LRRC51: variants seen among roughly 807,000 people sequenced by gnomAD.
LRRC51 encodes the protein leucine-rich repeat-containing protein 51.
A neutral mutation model predicts 17.8 loss-of-function variants in LRRC51; 8 were observed. The ratio of observed to expected loss-of-function variants is 0.45; its 90% CI spans 0.26 to 0.81. The LOEUF (loss-of-function observed/expected upper bound fraction) is 0.81, where lower values mean the gene tolerates loss of function less well. LRRC51 is among the 30% of genes least tolerant of loss of function. The probability of loss-of-function intolerance (pLI) is 0.17; values close to 1 mark genes in which losing one functional copy is unlikely to be tolerated. For missense variants in LRRC51, 233 were observed against 239.3 expected (o/e 0.97, Z 0.17); for synonymous variants, 92 against 96.0 (o/e 0.96, Z 0.24).
At chr11:72,088,065 C>A (rs564933164) in intron 1 of LRRC51, among the ~76,000 whole-genome samples, 21 of 152,180 alleles carry the variant, frequency 1.4e-4, no homozygotes, top group Non-Finnish European at 2.6e-4. Context: ...GGGGCAAGTT[C>A]TTGTCCTTAT....
intron 2 of LRRC51, 47 bp downstream of exon 2, chr11:72,088,427 G>A (rs1944666105): frequency 4.3e-6 from 3 of 702,008 alleles, no homozygotes; most frequent in Non-Finnish European, 7.8e-6. Flanking sequence ...ATGTTTATAT[G>A]TGTATGGCTA....
intron 1 of LRRC51, among the ~76,000 whole-genome samples, chr11:72,088,054 TGG>T (rs1028245824): frequency 4.6e-5 from 7 of 152,194 alleles, no homozygotes; most frequent in Admixed American, 4.6e-4. Flanking sequence ...GGAGGTCGAC[TGG>T]GGCAAGTTCT....
chr11:72,088,211 T>C, intron 1 of LRRC51, 86 bp from the exon 2 acceptor site: 1 of 592,954 alleles, frequency 1.7e-6, no homozygotes. Flanking sequence ...AGCTTTACTT[T>C]AGCTAACAAA....
chr11:72,092,574 C>G (rs1944921183), intron 3 of LRRC51, among the ~76,000 whole-genome samples: 1 of 152,244 alleles, frequency 6.6e-6, no homozygotes, highest in African/African-American at 2.4e-5. Context: ...CCAGTGCCTT[C>G]CCATTACACA....
intron 4 of LRRC51, among the ~76,000 whole-genome samples, chr11:72,094,159 G>A (rs564591277): frequency 4.6e-5 from 7 of 152,026 alleles, no homozygotes; most frequent in East Asian, 1.9e-4. Flanking sequence ...GGTGGCGGGC[G>A]CCTGTAGTCC....
chr11:72,093,415 A>C, intron 3 of LRRC51, 81 bp from the exon 4 acceptor site: 1 of 1,366,536 alleles, frequency 7.3e-7, no homozygotes, highest in South Asian at 1.2e-5. Context: ...CTGGATGGCT[A>C]ATCTTTCCAG....
In LRRC51 at chr11:72,089,101, T is replaced by C. The variant is rs777237206; in HGVS notation, c.18T>C (p.Tyr6=). 2 of 1,614,120 alleles carry C rather than the reference T, an allele frequency of 1.2e-6. No individual in the cohort carries two copies. The highest frequency in any genetic ancestry group is 1.7e-6 in the Non-Finnish European group (2 of 1,180,008). The change falls in exon 3 of 6, where the codon TAT becomes TAC. Residue 6 remains tyrosine (Y), a synonymous_variant. Coordinates refer to ENST00000289488, the MANE Select transcript of LRRC51 (RefSeq NM_145309.6). The part of the protein sequence containing the change: MNKRD[Y]MNTSVQEPPL... Reference sequence around the variant, plus strand: ...CCTGAACTATGAACAAACGGGACTATATGAACACTTCGGTACAGGAGCCCC... The same window carrying C: ...CCTGAACTATGAACAAACGGGACTACATGAACACTTCGGTACAGGAGCCCC...
rs1053458550 is a variant in LRRC51 at position 72,093,376 on chromosome 11, A to G, written c.83-120A>G. Reference sequence around the variant, plus strand: ...TTGCACTAGACTCAGGCACAGGGCTATGGCCCTTCCAGACCCTCCAGCTAC... The same window carrying G: ...TTGCACTAGACTCAGGCACAGGGCTGTGGCCCTTCCAGACCCTCCAGCTAC... On this transcript the variant is annotated intron_variant, in intron 3 of 5. Coordinates refer to ENST00000289488, the MANE Select transcript of LRRC51 (RefSeq NM_145309.6). 38 of 939,466 alleles carry G rather than the reference A, an allele frequency of 4.0e-5. No individual in the cohort carries two copies. The African/African-American group carries it at 5.5e-4, about 14-fold the overall frequency. The allele number at this position is 939,466 out of a possible 1,614,324, so 58.2% of individuals were successfully genotyped here.
At position 72,088,337 on chromosome 11, in the gene LRRC51, C is replaced by T; in HGVS notation, c.-99C>T. ...TAACCGGAAACAATCCCTGAACCCA[C>T]AGGAATGAATGCCTAATGGTGGAGT... On this transcript the variant is annotated 5_prime_UTR_variant, in exon 2 of 6. Transcript: ENST00000289488. 1 of 702,458 alleles carries T rather than the reference C, an allele frequency of 1.4e-6. No homozygotes were observed. Among genetic ancestry groups the T allele is most frequent in the Non-Finnish European group, 2.6e-6 (1 of 384,912 alleles). 43.5% of individuals were successfully genotyped at this position (702,458 alleles called of 1,614,324 possible).
rs750843449 is a variant in LRRC51, at chr11:72,095,353, GC to G, written c.438-21del. The G allele has an allele frequency of 3.5e-5, 56 of 1,613,302 alleles. No homozygotes were observed. The Admixed American group carries it at 7.0e-4, about 20-fold the overall frequency. ...GAAGGGGATTCTGGTGGGGGTGCTGGCCCCCAGCCTAAGTCTTCCCCACAGG... is the reference window on the plus strand; with the variant it reads ...GAAGGGGATTCTGGTGGGGGTGCTGGCCCCAGCCTAAGTCTTCCCCACAGG... On this transcript the variant is annotated intron_variant, in intron 5 of 5. Transcript: ENST00000289488.
At chr11:72,081,843 C>T (rs1944229134) in intron 1 of LRRC51, among the ~76,000 whole-genome samples, 1 of 152,056 alleles carries the variant, frequency 6.6e-6, no homozygotes, top group African/African-American at 2.4e-5. Flanking sequence ...AGTAACCTAC[C>T]CAGTGCTTTC....
In LRRC51 at chr11:72,089,122, G is replaced by GC. The variant is rs779229946; in HGVS notation, c.44dup (p.Leu16SerfsTer2). On this transcript the variant is annotated frameshift_variant, in exon 3 of 6. Coordinates refer to ENST00000289488, the MANE Select transcript of LRRC51 (RefSeq NM_145309.6). LOFTEE classifies it high-confidence loss of function. The stretch of plus-strand genomic sequence containing the variant: ...ACTATATGAACACTTCGGTACAGGA[G>GC]CCCCCTCTTGACTACTCCTTCAGAA... 3 of 1,613,978 alleles carry GC rather than the reference G, an allele frequency of 1.9e-6. No individual in the cohort carries two copies. The highest frequency in any genetic ancestry group is 1.1e-5 in the South Asian group (1 of 91,084).
intron 1 of LRRC51, among the ~76,000 whole-genome samples, chr11:72,083,089 TC>T (rs777381870): frequency 2.6e-4 from 39 of 152,178 alleles, no homozygotes; most frequent in Middle Eastern, 3.2e-3. Flanking sequence ...GGTCTCGAAC[TC>T]CCGACCTCAG....
chr11:72,085,053 A>C (rs557883659), intron 1 of LRRC51, among the ~76,000 whole-genome samples: 1 of 152,334 alleles, frequency 6.6e-6, no homozygotes, highest in East Asian at 1.9e-4. Context: ...AAACAGTTAA[A>C]GATACTGTCA....
At chr11:72,086,563 C>G in intron 1 of LRRC51, 2 of 677,562 alleles carry the variant, frequency 3.0e-6, no homozygotes, top group Non-Finnish European at 5.4e-6. Flanking sequence ...TGTTGTAAAC[C>G]TGGTTCTATG....
At chr11:72,090,239 A>G (rs571794129) in intron 3 of LRRC51, among the ~76,000 whole-genome samples, 28 of 152,170 alleles carry the variant, frequency 1.8e-4, no homozygotes, top group Non-Finnish European at 2.9e-4. Flanking sequence ...TTTAGCTGCA[A>G]TAGTAACTAT....
At chr11:72,085,484 T>A (rs1472803127) in intron 1 of LRRC51, 1 of 150,594 alleles carries the variant, frequency 6.6e-6, no homozygotes, top group Non-Finnish European at 1.5e-5. Flanking sequence ...TTATAGGGAG[T>A]AAACAAAGTT....
At position 72,094,970 on chromosome 11, in the gene LRRC51, T is replaced by C. The variant is rs775645891; in HGVS notation, c.311T>C (p.Leu104Pro). ...IDPVLTTFFNLSVLYLHGNSI... is the reference protein window; with the variant it reads ...IDPVLTTFFNPSVLYLHGNSI... ...CAGGTCCTAACAACTTTCTTCAACCTGAGTGTCCTCTATCTTCACGGCAAC... is the reference window on the plus strand; with the variant it reads ...CAGGTCCTAACAACTTTCTTCAACCCGAGTGTCCTCTATCTTCACGGCAAC... Residue 104 changes from leucine to proline, a missense_variant, in exon 5 of 6, where the codon CTG (leucine) becomes CCG (proline). By Grantham distance (98) the Leu-to-Pro change is moderately conservative (BLOSUM62 -3). Transcript: ENST00000289488. 3.7e-6 allele frequency: 6 copies of C among 1,613,940 alleles called. No individual in the cohort carries two copies. The Admixed American group carries it at 1.0e-4, about 27-fold the overall frequency.
In LRRC51 at chr11:72,096,110, C is replaced by G. The variant is rs542240383; in HGVS notation, c.*590C>G. 1.2e-5 allele frequency: 2 copies of G among 169,394 alleles called. No individual in the cohort carries two copies. Among genetic ancestry groups the G allele is most frequent in the Admixed American group, 1.1e-4 (2 of 17,806 alleles). The allele number at this position is 169,394 out of a possible 1,614,324, so 10.5% of individuals were successfully genotyped here. ...CTCCGCCTTCCAGGTTCACGCCATT[C>G]TCCTGCCTCAGCCTCCCAAGTAGCT... On this transcript the variant is annotated 3_prime_UTR_variant, in exon 6 of 6. Coordinates refer to ENST00000289488, the MANE Select transcript of LRRC51 (RefSeq NM_145309.6).
Sources: gnomAD v4.1 joint callset for allele counts (sites outside exome capture counted in the v4.1 genomes callset) on GRCh38, gnomAD v4.1.1 for gene constraint, MANE v1.5 for transcripts, NCBI Gene and HGNC (gene_info 2026-07-23, HGNC 2026-07-21) for gene names.